The following TACC2 variants were observed in gnomAD, a reference collection of about 807,000 sequenced individuals.
The protein encoded by TACC2 is transforming acidic coiled-coil containing protein 2.
Under a neutral mutation model 227.3 loss-of-function variants are expected in TACC2, and 137 were observed. The ratio of observed to expected loss-of-function variants is 0.60; its 90% CI spans 0.52 to 0.69. The LOEUF (loss-of-function observed/expected upper bound fraction) is 0.69. Among genes scored for constraint, TACC2 ranks in the 30% least tolerant of loss-of-function variants. The pLI, the probability that TACC2 is intolerant of heterozygous loss-of-function variation, is 0.00. For synonymous variants in TACC2, 1,523 were observed against 1,487.5 expected (o/e 1.02, Z -0.55); for missense variants, 3,470 against 3,694.4 (o/e 0.94, Z 1.57).
At position 122,180,236 on chromosome 10, in the gene TACC2, G is replaced by T. The variant is rs1263144496; in HGVS notation, c.5835-14804G>T. ...CGTTGCCTGCTTTGTTTTCTTAAAT[G>T]GCCTGAAGCCCATTCCTTGAACCTG... On this transcript the variant is annotated intron_variant, in intron 7 of 22. Coordinates refer to ENST00000369005, the MANE Select transcript of TACC2 (RefSeq NM_206862.4). The surrounding 1 kb of genome is among the most constrained non-coding windows in gnomAD (Gnocchi z 4.5). Among the ~76,000 whole-genome samples, 1 of 152,044 alleles carries T rather than the reference G, an allele frequency of 6.6e-6. No individual in the cohort carries two copies. Among genetic ancestry groups the T allele is most frequent in the Non-Finnish European group, 1.5e-5 (1 of 68,026 alleles).
intron 1 of TACC2, among the ~76,000 whole-genome samples, chr10:121,992,527 G>A (rs748602359): frequency 6.6e-6 from 1 of 152,136 alleles, no homozygotes; most frequent in Non-Finnish European, 1.5e-5. Context: ...TTTTTGGAGG[G>A]CTTTTATGTA....
At chr10:122,200,615 T>A (rs1379306503) in intron 8 of TACC2, among the ~76,000 whole-genome samples, 1 of 132,542 alleles carries the variant, frequency 7.5e-6, no homozygotes, top group Admixed American at 7.4e-5. Flanking sequence ...ACATCTACAG[T>A]GAGAGGACGG....
intron 5 of TACC2, among the ~76,000 whole-genome samples, chr10:122,090,546 C>CAAAAA (rs1188822419): frequency 2.4e-5 from 1 of 41,094 alleles, no homozygotes; most frequent in Non-Finnish European, 5.1e-5. Flanking sequence ...GACTCTATCT[C>CAAAAA]AAAAAAAAAA....
chr10:122,066,920 T>C (rs1443519723), intron 3 of TACC2, among the ~76,000 whole-genome samples: 1 of 152,224 alleles, frequency 6.6e-6, no homozygotes, highest in Non-Finnish European at 1.5e-5. Flanking sequence ...TTCACAATGA[T>C]TATATCATTT....
Position 122,180,339 on chromosome 10 carries a change from CTTT to C in TACC2, c.5835-14688_5835-14686del, listed in dbSNP as rs71026008. Among the ~76,000 whole-genome samples the C allele has an allele frequency of 1.5e-5, 2 of 136,894 alleles. No homozygotes were observed. The highest frequency in any genetic ancestry group is 1.6e-5 in the Non-Finnish European group (1 of 62,910). 89.8% of individuals were successfully genotyped at this position (136,894 alleles called of 152,430 possible). A position where few individuals can be genotyped will look rare whatever the true frequency, so the allele number is the denominator to read the frequency against. ...GCCTGAAACTTTCTTCCCCCCAGTT[CTTT>C]TTTTTTTTTTTTGGGTTAATAGTCT... On this transcript the variant is annotated intron_variant, in intron 7 of 22. Transcript: ENST00000369005. This position sits in a 1 kb window ranked among gnomAD's most constrained non-coding sequence, Gnocchi z 4.5.
chr10:122,208,334 CAA>C (rs1218872105), intron 8 of TACC2, among the ~76,000 whole-genome samples: 9 of 152,276 alleles, frequency 5.9e-5, no homozygotes, highest in African/African-American at 1.9e-4. Context: ...TTCCTGAACT[CAA>C]GAACCTTGAA....
intron 2 of TACC2, among the ~76,000 whole-genome samples, chr10:122,028,645 A>G (rs1455739095): frequency 2.0e-5 from 3 of 151,958 alleles, no homozygotes; most frequent in Non-Finnish European, 4.4e-5. Context: ...GGATTTTTCT[A>G]TGTATGTAAT....
intron 3 of TACC2, among the ~76,000 whole-genome samples, chr10:122,071,623 C>T (rs1332941344): frequency 6.7e-6 from 1 of 150,252 alleles, no homozygotes; most frequent in Non-Finnish European, 1.5e-5. Flanking sequence ...CCTGTAATCC[C>T]AGCACTTTGG....
intron 7 of TACC2, among the ~76,000 whole-genome samples, chr10:122,175,296 A>G (rs1331092610): frequency 3.3e-5 from 5 of 152,186 alleles, no homozygotes; most frequent in African/African-American, 1.2e-4. Flanking sequence ...TGGTGAAGAA[A>G]AACACTGAAA....
At position 122,240,660 on chromosome 10, in the gene TACC2, C is replaced by T. The variant is rs78063846; in HGVS notation, c.8349-1298C>T. On this transcript the variant is annotated intron_variant, in intron 18 of 22. Transcript: ENST00000369005. The stretch of plus-strand genomic sequence containing the variant: ...TCAGCGGGATCCCAGGCCTCCTGAC[C>T]GGGGTGGGGGTCTCTATGGTTTTCT... Among the ~76,000 whole-genome samples the T allele has an allele frequency of 0.01, 1,587 of 152,114 alleles. 110 individuals carry two copies. The East Asian group carries it at 0.2, about 19-fold the overall frequency.
At chr10:122,079,979 G>C (rs1231773400) in intron 3 of TACC2, among the ~76,000 whole-genome samples, 2 of 152,208 alleles carry the variant, frequency 1.3e-5, no homozygotes, top group African/African-American at 4.8e-5. Flanking sequence ...ATACCCACCT[G>C]TCTATGGTAT....
chr10:122,037,393 C>T (rs1052362799), intron 2 of TACC2, among the ~76,000 whole-genome samples: 1 of 152,222 alleles, frequency 6.6e-6, no homozygotes, highest in African/African-American at 2.4e-5. Context: ...TATGCTCACT[C>T]ACCATGGGGG....
chr10:122,014,871 G>A (rs1956381132), intron 1 of TACC2, among the ~76,000 whole-genome samples: 1 of 152,108 alleles, frequency 6.6e-6, no homozygotes, highest in African/African-American at 2.4e-5. Flanking sequence ...CACATGAGAT[G>A]GTACCTTCCA....
At chr10:122,169,669 G>A (rs1223475841) in intron 7 of TACC2, among the ~76,000 whole-genome samples, 8 of 152,154 alleles carry the variant, frequency 5.3e-5, no homozygotes, top group Non-Finnish European at 4.4e-5. Context: ...CTCTCTCTAA[G>A]ACATCTCATT....
At chr10:122,220,876 G>A (rs2095510469) in intron 11 of TACC2, among the ~76,000 whole-genome samples, 1 of 152,162 alleles carries the variant, frequency 6.6e-6, no homozygotes, top group South Asian at 2.1e-4. Flanking sequence ...CAAGGATACA[G>A]AGGCTTGGAG....
At chr10:122,049,502 A>T (rs1042084921) in intron 2 of TACC2, among the ~76,000 whole-genome samples, 1 of 152,130 alleles carries the variant, frequency 6.6e-6, no homozygotes, top group Admixed American at 6.6e-5. Context: ...TTTCCATGAG[A>T]ACCTCAGGGA....
intron 5 of TACC2, among the ~76,000 whole-genome samples, chr10:122,110,232 G>C (rs999179732): frequency 3.3e-5 from 5 of 152,184 alleles, no homozygotes; most frequent in Admixed American, 6.5e-5. Context: ...ACGTGTTGCT[G>C]CCTGCAAGTC....
At chr10:122,193,042 T>G (rs1029244839) in intron 7 of TACC2, among the ~76,000 whole-genome samples, 3 of 152,222 alleles carry the variant, frequency 2.0e-5, no homozygotes. Context: ...CTTCTCCCCA[T>G]AGACAAAAGC....
intron 13 of TACC2, 49 bp from the exon 14 acceptor site, chr10:122,227,788 G>T (rs2095657662): frequency 1.9e-6 from 3 of 1,564,860 alleles, no homozygotes; most frequent in South Asian, 1.2e-5. Context: ...TGATTTCAGT[G>T]GGTTTCCCAA....
Sources: gnomAD v4.1 joint callset for allele counts (sites outside exome capture counted in the v4.1 genomes callset) on GRCh38, gnomAD v4.1.1 for gene constraint, Gnocchi (gnomAD v3.1) non-coding constraint, MANE v1.5 for transcripts, NCBI Gene and HGNC (gene_info 2026-07-23, HGNC 2026-07-21) for gene names.